The following SNRPN variants were observed in gnomAD, a reference collection of about 807,000 sequenced individuals.
The protein encoded by SNRPN is small nuclear ribonucleoprotein-associated protein N.
A neutral mutation model predicts 25.2 loss-of-function variants in SNRPN; 7 were observed. The ratio of observed to expected loss-of-function variants is 0.28; its 90% confidence interval spans 0.16 to 0.52. SNRPN has a LOEUF of 0.52. Among genes scored for constraint, SNRPN ranks in the 20% least tolerant of loss-of-function variants. SNRPN has a pLI of 0.96. For synonymous variants in SNRPN, 124 were observed against 110.6 expected (o/e 1.12, Z -0.76); for missense variants, 196 against 322.5 (o/e 0.61, Z 3.00).
chr15:24,927,763 T>C (rs1042968418), intron 3 of SNRPN, among the ~76,000 whole-genome samples: 2 of 152,282 alleles, frequency 1.3e-5, no homozygotes, highest in Admixed American at 1.3e-4. Flanking sequence ...TCTGCCATAA[T>C]GTTTAATATC....
intron 1 of SNRPN, among the ~76,000 whole-genome samples, chr15:24,866,572 C>T (rs2054590380): frequency 6.6e-6 from 1 of 151,956 alleles, no homozygotes; most frequent in Non-Finnish European, 1.5e-5. Flanking sequence ...TAATCTTTAG[C>T]GTTTTAAAAA....
chr15:24,941,108 C>T (rs1217624970), intron 3 of SNRPN, among the ~76,000 whole-genome samples: 1 of 152,162 alleles, frequency 6.6e-6, no homozygotes, highest in Non-Finnish European at 1.5e-5. Context: ...TCCTGAGTAG[C>T]TGAGACCACA....
chr15:24,875,969 G>A (rs995696087), intron 1 of SNRPN, among the ~76,000 whole-genome samples: 5 of 151,588 alleles, frequency 3.3e-5, no homozygotes, highest in Middle Eastern at 3.4e-3. Flanking sequence ...CAGGAGAATC[G>A]CTTGAACCTG....
At chr15:24,834,633 G>T (rs2050851637) in intron 2 of SNRPN, among the ~76,000 whole-genome samples, 1 of 151,302 alleles carries the variant, frequency 6.6e-6, no homozygotes, top group Non-Finnish European at 1.5e-5. Context: ...TCTGCAGCCT[G>T]AGATGGGAGC....
At chr15:24,930,485 C>T (rs1056400893) in intron 3 of SNRPN, among the ~76,000 whole-genome samples, 14 of 151,214 alleles carry the variant, frequency 9.3e-5, no homozygotes, top group Admixed American at 5.3e-4. Context: ...CTGTGGTACA[C>T]CTGTAATCCC....
intron 2 of SNRPN, among the ~76,000 whole-genome samples, chr15:24,889,241 A>G (rs1291882850): frequency 1.3e-5 from 2 of 151,706 alleles, no homozygotes; most frequent in African/African-American, 4.8e-5. Context: ...TACTAGAAGA[A>G]AAAGAAAATT....
chr15:24,892,202 T>A (rs912471137), intron 2 of SNRPN, among the ~76,000 whole-genome samples: 2 of 152,224 alleles, frequency 1.3e-5, no homozygotes, highest in African/African-American at 4.8e-5. Flanking sequence ...TAGTCTTTTT[T>A]TCCTCTTCAG....
At chr15:24,975,057 C>G (rs1431459104) in intron 4 of SNRPN, 3 of 688,058 alleles carry the variant, frequency 4.4e-6, no homozygotes, top group African/African-American at 1.8e-5. Flanking sequence ...CACCCTACAT[C>G]ATTGTGGTTT....
chr15:24,941,542 T>C (rs1270631766), intron 3 of SNRPN, among the ~76,000 whole-genome samples: 1 of 152,298 alleles, frequency 6.6e-6, no homozygotes, highest in South Asian at 2.1e-4. Flanking sequence ...CTGAATTTCG[T>C]TGTTAGAGTT....
chr15:24,959,452 A>G (rs2074410745), intron 1 of SNRPN, among the ~76,000 whole-genome samples: 1 of 152,180 alleles, frequency 6.6e-6, no homozygotes. Flanking sequence ...CCCCGTCTCT[A>G]CATTTAAAAA....
chr15:24,921,657 G>C (rs1030998424), intron 3 of SNRPN, among the ~76,000 whole-genome samples: 1 of 152,148 alleles, frequency 6.6e-6, no homozygotes, highest in African/African-American at 2.4e-5. Context: ...TGAGGCACAG[G>C]ACTGGGTTCT....
intron 3 of SNRPN, among the ~76,000 whole-genome samples, chr15:24,972,934 C>T (rs1331654604): frequency 1.3e-5 from 2 of 152,184 alleles, no homozygotes; most frequent in African/African-American, 4.8e-5. Flanking sequence ...GTTGCCCAGG[C>T]TGGAGTACAG....
chr15:24,902,157 T>G (rs1444193821), intron 2 of SNRPN, among the ~76,000 whole-genome samples: 1 of 152,192 alleles, frequency 6.6e-6, no homozygotes, highest in Non-Finnish European at 1.5e-5. Flanking sequence ...TTGTTGCATG[T>G]GGTAGATGGA....
chr15:24,834,605 G>A (rs531712868), intron 2 of SNRPN, among the ~76,000 whole-genome samples: 7 of 151,442 alleles, frequency 4.6e-5, no homozygotes, highest in Non-Finnish European at 7.4e-5. Flanking sequence ...GGTAGTGACC[G>A]TCTGTTGTCC....
intron 2 of SNRPN, among the ~76,000 whole-genome samples, chr15:24,904,730 A>G (rs2058688106): frequency 6.6e-6 from 1 of 151,548 alleles, no homozygotes; most frequent in African/African-American, 2.4e-5. Flanking sequence ...TAATCCCAAC[A>G]TTTTGGGAGG....
At chr15:24,949,855 TCTCA>T (rs2062131467) in intron 3 of SNRPN, among the ~76,000 whole-genome samples, 4 of 151,490 alleles carry the variant, frequency 2.6e-5, no homozygotes. Flanking sequence ...GGAGAACGGG[TCTCA>T]CTCTGTTGCC....
At chr15:24,897,446 T>C (rs572472102) in intron 2 of SNRPN, among the ~76,000 whole-genome samples, 1 of 151,950 alleles carries the variant, frequency 6.6e-6, no homozygotes, top group African/African-American at 2.4e-5. Context: ...ATTAGCCGAG[T>C]GTGGTGGTGT....
chr15:24,936,260 A>G (rs1018747156), intron 3 of SNRPN, among the ~76,000 whole-genome samples: 1 of 152,164 alleles, frequency 6.6e-6, no homozygotes, highest in Admixed American at 6.5e-5. Flanking sequence ...TGTGGTGAGA[A>G]TTAGAGAAAG....
At chr15:24,873,537 T>TC in intron 1 of SNRPN, among the ~76,000 whole-genome samples, 1 of 150,400 alleles carries the variant, frequency 6.6e-6, no homozygotes, top group South Asian at 2.1e-4. Context: ...AAGCTCCGCC[T>TC]CCCCGGTTCA....
Sources: gnomAD v4.1 joint callset for allele counts (sites outside exome capture counted in the v4.1 genomes callset) on GRCh38, gnomAD v4.1.1 for gene constraint, MANE v1.5 for transcripts, NCBI Gene and HGNC (gene_info 2026-07-23, HGNC 2026-07-21) for gene names.